Variants in TNIK observed in about 807,000 individuals in gnomAD.
The protein encoded by TNIK is TRAF2 and NCK-interacting protein kinase.
Under a neutral mutation model 191.3 loss-of-function variants are expected in TNIK, and 49 were observed. That is an observed-to-expected ratio of 0.26 (90% CI 0.20 to 0.32). The LOEUF is 0.32. TNIK is among the 10% of genes least tolerant of loss of function. The pLI is 1.00. For missense variants in TNIK, 1,155 were observed against 1,702.3 expected (o/e 0.68, Z 5.66); for synonymous variants, 594 against 600.9 (o/e 0.99, Z 0.17).
intron 21 of TNIK, among the ~76,000 whole-genome samples, chr3:171,103,915 T>G (rs976796704): frequency 1.3e-5 from 2 of 152,076 alleles, no homozygotes; most frequent in Non-Finnish European, 2.9e-5. Flanking sequence ...TTAAAAAAAC[T>G]TTCACTTGTT....
intron 19 of TNIK, among the ~76,000 whole-genome samples, chr3:171,109,961 A>G (rs566686843): frequency 1.3e-5 from 2 of 152,102 alleles, no homozygotes; most frequent in East Asian, 1.9e-4. Context: ...CTGGAGTACA[A>G]TGGCGTGATC....
At chr3:171,119,787 G>C (rs1441933875) in intron 18 of TNIK, among the ~76,000 whole-genome samples, 1 of 151,940 alleles carries the variant, frequency 6.6e-6, no homozygotes, top group Non-Finnish European at 1.5e-5. Flanking sequence ...TCACATACCG[G>C]GGCCTGTTGT....
intron 1 of TNIK, among the ~76,000 whole-genome samples, chr3:171,443,666 A>G (rs536123139): frequency 6.6e-6 from 1 of 151,992 alleles, no homozygotes; most frequent in Admixed American, 6.5e-5. Flanking sequence ...AAAAAAAAAA[A>G]ATTTCAAAAA....
In TNIK at chr3:171,082,386, G is replaced by T. The variant is rs557319508; in HGVS notation, c.3178C>A (p.Leu1060Ile). 1 of 1,613,668 alleles carries T rather than the reference G, an allele frequency of 6.2e-7. No homozygotes were observed. The highest frequency in any genetic ancestry group is 2.2e-5 in the East Asian group (1 of 44,866). Residue 1060 changes from leucine to isoleucine, a missense_variant, in exon 27 of 33, where the codon CTT becomes ATT. Leu to Ile is a conservative substitution (Grantham distance 5, BLOSUM62 2). This residue lies in a region of TNIK where 195 missense variants were observed against 415.4 expected (regional missense o/e 0.47). Transcript: ENST00000436636. ...ILCAALWGVNLLVGTENGLML... is the reference protein window; with the variant it reads ...ILCAALWGVNILVGTENGLML... The stretch of plus-strand genomic sequence containing the variant: ...AGGCCATTTTCAGTCCCCACCAGAA[G>T]GTTTACACCTGTAAATTTAAGAAGC...
rs1233426843 is a variant in TNIK at position 171,084,337 on chromosome 3, A to G, written c.2999-12T>C. 1 of 1,605,606 alleles carries G rather than the reference A, an allele frequency of 6.2e-7. No individual in the cohort carries two copies. The highest frequency in any genetic ancestry group is 8.5e-7 in the Non-Finnish European group (1 of 1,173,988). On this transcript the variant is annotated splice_polypyrimidine_tract_variant and intron_variant, in intron 25 of 32. Transcript: ENST00000436636. ...GCTAGTAAACAGAGCTTTGAGAAAA[A>G]GAATCAGAGAAGTCAGTGACATCTT...
intron 2 of TNIK, among the ~76,000 whole-genome samples, chr3:171,258,562 C>G (rs575090895): frequency 6.6e-6 from 1 of 152,284 alleles, no homozygotes; most frequent in South Asian, 2.1e-4. Flanking sequence ...AAGGAACCCA[C>G]GAGACCAGTA....
At chr3:171,176,653 C>T (rs1735992260) in intron 8 of TNIK, among the ~76,000 whole-genome samples, 1 of 152,240 alleles carries the variant, frequency 6.6e-6, no homozygotes, top group South Asian at 2.1e-4. Flanking sequence ...AAGGGCCTGC[C>T]TTAGTATCCC....
intron 1 of TNIK, among the ~76,000 whole-genome samples, chr3:171,425,894 A>G (rs1724499666): frequency 6.6e-6 from 1 of 152,126 alleles, no homozygotes; most frequent in Non-Finnish European, 1.5e-5. Flanking sequence ...TTAAACATCA[A>G]AATAATCTTG....
intron 1 of TNIK, among the ~76,000 whole-genome samples, chr3:171,406,224 C>T (rs1721654653): frequency 1.3e-5 from 2 of 152,116 alleles, no homozygotes; most frequent in South Asian, 4.1e-4. Flanking sequence ...TGCCAGCACA[C>T]ATTCCGTAAT....
chr3:171,406,644 G>C (rs1349268528), intron 1 of TNIK, among the ~76,000 whole-genome samples: 2 of 152,134 alleles, frequency 1.3e-5, no homozygotes, highest in East Asian at 3.8e-4. Context: ...TGTTGCCCAG[G>C]CTGGACGTGA....
chr3:171,106,896 T>C (rs1010149533), intron 21 of TNIK: 16 of 507,108 alleles, frequency 3.2e-5, no homozygotes, highest in African/African-American at 2.9e-4. Context: ...TGGAAGATAC[T>C]GGAAGGAGAA....
chr3:171,105,246 G>T (rs1407102587), intron 21 of TNIK, among the ~76,000 whole-genome samples: 1 of 152,182 alleles, frequency 6.6e-6, no homozygotes, highest in Non-Finnish European at 1.5e-5. Context: ...GTAGTTCAAA[G>T]TTTCTCAATT....
chr3:171,411,625 G>A (rs759742672), intron 1 of TNIK, among the ~76,000 whole-genome samples: 4 of 152,150 alleles, frequency 2.6e-5, no homozygotes, highest in Non-Finnish European at 5.9e-5. Flanking sequence ...TAATTATGCA[G>A]TCCTGGACAT....
chr3:171,161,618 A>G (rs1316741195), intron 10 of TNIK, among the ~76,000 whole-genome samples: 1 of 152,194 alleles, frequency 6.6e-6, no homozygotes, highest in African/African-American at 2.4e-5. Flanking sequence ...ATTTAATTTC[A>G]ATTAAAAATA....
chr3:171,367,119 T>C (rs74318869), intron 2 of TNIK, among the ~76,000 whole-genome samples: 1,833 of 152,338 alleles, frequency 0.012, 29 homozygotes, highest in African/African-American at 0.042. Context: ...TATCATATGA[T>C]TTTATGTATA....
intron 1 of TNIK, among the ~76,000 whole-genome samples, chr3:171,389,177 C>A (rs1400998092): frequency 6.6e-6 from 1 of 152,160 alleles, no homozygotes; most frequent in Non-Finnish European, 1.5e-5. Context: ...TCTAGCACAA[C>A]CACCTGGTAC....
At chr3:171,381,850 G>T (rs548289806) in intron 1 of TNIK, among the ~76,000 whole-genome samples, 2 of 152,286 alleles carry the variant, frequency 1.3e-5, no homozygotes, top group Admixed American at 1.3e-4. Context: ...GTAATGGCTA[G>T]AACACTACAG....
chr3:171,240,379 T>A (rs1020889979), intron 2 of TNIK, among the ~76,000 whole-genome samples: 2 of 152,160 alleles, frequency 1.3e-5, no homozygotes, highest in Non-Finnish European at 1.5e-5. Context: ...AATTAGTGGG[T>A]CTAGAGTTAG....
chr3:171,409,726 G>C (rs1358208435), intron 1 of TNIK, among the ~76,000 whole-genome samples: 3 of 149,538 alleles, frequency 2.0e-5, no homozygotes, highest in African/African-American at 7.4e-5. Context: ...TCACATGGGT[G>C]TCAGAGAATC....
Sources: gnomAD v4.1 joint callset for allele counts (sites outside exome capture counted in the v4.1 genomes callset) on GRCh38, gnomAD v4.1.1 for gene constraint, gnomAD v4.1.1 regional missense constraint, MANE v1.5 for transcripts, NCBI Gene and HGNC (gene_info 2026-07-23, HGNC 2026-07-21) for gene names.